Variants in STX8 observed in about 807,000 individuals in gnomAD.
The protein encoded by STX8 is syntaxin 8.
A neutral mutation model predicts 37.5 loss-of-function variants in STX8; 23 were observed. That is an observed-to-expected ratio of 0.61 (90% CI 0.44 to 0.87). STX8 has a LOEUF of 0.87. Among genes scored for constraint, STX8 ranks in the 40% least tolerant of loss-of-function variants. The pLI is 0.00. For missense variants in STX8, 313 were observed against 284.7 expected (o/e 1.10, Z -0.71); for synonymous variants, 115 against 99.1 (o/e 1.16, Z -0.95).
At chr17:9,354,224 A>C (rs1367333880) in intron 7 of STX8, among the ~76,000 whole-genome samples, 1 of 151,954 alleles carries the variant, frequency 6.6e-6, no homozygotes. Context: ...CAATTACGTT[A>C]TCATGGCTAT....
At chr17:9,276,872 G>A (rs552117888) in intron 7 of STX8, among the ~76,000 whole-genome samples, 94 of 151,962 alleles carry the variant, frequency 6.2e-4, no homozygotes, top group East Asian at 9.7e-4. Context: ...TCCTGATCTC[G>A]TGATCCGCCC....
chr17:9,265,886 G>C (rs910549675), intron 7 of STX8, among the ~76,000 whole-genome samples: 5 of 152,184 alleles, frequency 3.3e-5, no homozygotes, highest in Non-Finnish European at 5.9e-5. Flanking sequence ...TGGACTAGAA[G>C]GCGGTAAGTG....
At chr17:9,534,659 G>A (rs533976304) in intron 4 of STX8, among the ~76,000 whole-genome samples, 18 of 152,100 alleles carry the variant, frequency 1.2e-4, no homozygotes, top group Admixed American at 6.5e-4. Context: ...ATGGTGGTGC[G>A]CACCTGTAAT....
At chr17:9,499,448 G>A (rs1431810646) in intron 5 of STX8, among the ~76,000 whole-genome samples, 3 of 152,174 alleles carry the variant, frequency 2.0e-5, no homozygotes, top group Non-Finnish European at 4.4e-5. Context: ...CGCCAGGCTG[G>A]AGTGTAGTAG....
intron 6 of STX8, among the ~76,000 whole-genome samples, chr17:9,384,139 T>C (rs1289777044): frequency 6.7e-6 from 1 of 148,758 alleles, no homozygotes; most frequent in Admixed American, 6.7e-5. Flanking sequence ...TTTTTTTTTT[T>C]CATATATTGG....
At chr17:9,312,557 G>A (rs1408442229) in intron 7 of STX8, among the ~76,000 whole-genome samples, 1 of 152,200 alleles carries the variant, frequency 6.6e-6, no homozygotes, top group Non-Finnish European at 1.5e-5. Context: ...GGTTAAAAGA[G>A]TAAGGAAATT....
chr17:9,431,923 CTG>C (rs1913999795), intron 6 of STX8, among the ~76,000 whole-genome samples: 1 of 152,126 alleles, frequency 6.6e-6, no homozygotes, highest in African/African-American at 2.4e-5. Context: ...TTTTGTAATG[CTG>C]TGACTATCTC....
intron 1 of STX8, among the ~76,000 whole-genome samples, chr17:9,570,900 A>C (rs2151919739): frequency 6.6e-6 from 1 of 152,340 alleles, no homozygotes; most frequent in South Asian, 2.1e-4. Flanking sequence ...CAGGTCTCTT[A>C]TTCAGACAGG....
At chr17:9,264,950 C>CA (rs1006682174) in intron 7 of STX8, among the ~76,000 whole-genome samples, 9 of 150,596 alleles carry the variant, frequency 6.0e-5, no homozygotes, top group African/African-American at 1.5e-4. Context: ...CTCATCTCTA[C>CA]AAAAAAAATA....
intron 6 of STX8, among the ~76,000 whole-genome samples, chr17:9,477,690 CAG>C (rs1466376840): frequency 6.6e-6 from 1 of 152,188 alleles, no homozygotes; most frequent in Non-Finnish European, 1.5e-5. Context: ...GAAAACAAAA[CAG>C]AAGATGAAGA....
intron 7 of STX8, among the ~76,000 whole-genome samples, chr17:9,294,790 G>T (rs1245468423): frequency 6.6e-6 from 1 of 152,176 alleles, no homozygotes; most frequent in Non-Finnish European, 1.5e-5. Flanking sequence ...AAAATGTAAT[G>T]AAAATGAAAA....
intron 6 of STX8, among the ~76,000 whole-genome samples, chr17:9,423,449 CTGAG>C (rs1376028654): frequency 1.3e-5 from 2 of 152,204 alleles, no homozygotes; most frequent in African/African-American, 2.4e-5. Flanking sequence ...CCTCAGCCTC[CTGAG>C]TAACTGGGAT....
At chr17:9,355,913 A>C (rs922127869) in intron 7 of STX8, among the ~76,000 whole-genome samples, 2 of 152,104 alleles carry the variant, frequency 1.3e-5, no homozygotes, top group Non-Finnish European at 2.9e-5. Flanking sequence ...CAGCCCTCCA[A>C]AGTGCTGGGA....
intron 6 of STX8, among the ~76,000 whole-genome samples, chr17:9,477,239 T>C (rs1906142427): frequency 6.6e-6 from 1 of 152,200 alleles, no homozygotes; most frequent in Non-Finnish European, 1.5e-5. Context: ...TAATTATCTC[T>C]GAAGACCCTA....
chr17:9,347,751 G>C (rs1910580076), intron 7 of STX8, among the ~76,000 whole-genome samples: 1 of 152,056 alleles, frequency 6.6e-6, no homozygotes, highest in Non-Finnish European at 1.5e-5. Flanking sequence ...CTTTTCATCA[G>C]CCCAAAAGGA....
intron 6 of STX8, among the ~76,000 whole-genome samples, chr17:9,471,079 G>A (rs1365799454): frequency 9.8e-6 from 1 of 101,590 alleles, no homozygotes. Flanking sequence ...CTGTCACCTA[G>A]GCTGGAATGC....
At chr17:9,468,844 C>T (rs1433526452) in intron 6 of STX8, among the ~76,000 whole-genome samples, 2 of 152,204 alleles carry the variant, frequency 1.3e-5, no homozygotes, top group African/African-American at 4.8e-5. Context: ...TCCCAGGGGG[C>T]TGTCGTCAAA....
At chr17:9,521,319 G>T (rs1905330995) in intron 4 of STX8, among the ~76,000 whole-genome samples, 1 of 152,152 alleles carries the variant, frequency 6.6e-6, no homozygotes, top group Non-Finnish European at 1.5e-5. Flanking sequence ...TGGCTCAAGG[G>T]AAATTCCACA....
At chr17:9,314,136 C>G (rs1357585227) in intron 7 of STX8, among the ~76,000 whole-genome samples, 1 of 152,154 alleles carries the variant, frequency 6.6e-6, no homozygotes, top group East Asian at 1.9e-4. Flanking sequence ...TCCCAGCAAC[C>G]AGTGTAACTC....
Sources: gnomAD v4.1 joint callset for allele counts (sites outside exome capture counted in the v4.1 genomes callset) on GRCh38, gnomAD v4.1.1 for gene constraint, MANE v1.5 for transcripts, NCBI Gene and HGNC (gene_info 2026-07-23, HGNC 2026-07-21) for gene names.